The following DCDC1 variants were observed in gnomAD, a reference collection of about 807,000 sequenced individuals.
The protein encoded by DCDC1 is doublecortin domain-containing protein 1.
Under a neutral mutation model 178.3 loss-of-function variants are expected in DCDC1, and 200 were observed. The observed-to-expected ratio is 1.12, with a 90% confidence interval of 1.00 to 1.26. The LOEUF (loss-of-function observed/expected upper bound fraction) is 1.26, where lower values mean the gene tolerates loss of function less well. Ranked by LOEUF, DCDC1 falls within the 50% of genes most tolerant of loss-of-function variation. The pLI, the probability that DCDC1 is intolerant of heterozygous loss-of-function variation, is 0.00. For synonymous variants in DCDC1, 690 were observed against 604.8 expected (o/e 1.14, Z -2.07); for missense variants, 1,983 against 1,749.2 (o/e 1.13, Z -2.38).
intron 30 of DCDC1, chr11:30,906,329 C>CTTTG (rs1590312278): frequency 4.2e-6 from 2 of 479,808 alleles, no homozygotes; most frequent in East Asian, 6.2e-5. Context: ...GCCCAATTAA[C>CTTTG]TTCAAAGAGT....
At chr11:30,894,755 C>A (rs897343672) in intron 34 of DCDC1, among the ~76,000 whole-genome samples, 1 of 152,112 alleles carries the variant, frequency 6.6e-6, no homozygotes, top group African/African-American at 2.4e-5. Context: ...ATGTTTTGTT[C>A]TCTTTACTAA....
rs140362723 is a variant in DCDC1, at chr11:30,995,364, C to A, written c.2592-42796G>T. Among the ~76,000 whole-genome samples the A allele has an allele frequency of 7.9e-5, 12 of 152,066 alleles. 1 individual carries two copies. The highest frequency in any genetic ancestry group is 2.9e-4 in the African/African-American group (12 of 41,494). ...TTTGATCTATAGATTCAATGTAATT[C>A]CAATAAAAATCCCAGCAAACTCTTT... On this transcript the variant is annotated intron_variant, in intron 20 of 38. Transcript: ENST00000684477.
intron 32 of DCDC1, among the ~76,000 whole-genome samples, chr11:30,903,179 G>A (rs1316423633): frequency 1.3e-5 from 2 of 152,038 alleles, no homozygotes; most frequent in East Asian, 1.9e-4. Flanking sequence ...TTGGTTCTGA[G>A]TAAGAACAAA....
At position 31,109,811 on chromosome 11, in the gene DCDC1, A is replaced by G. The variant is rs190575692; in HGVS notation, c.1587+449T>C. The stretch of plus-strand genomic sequence containing the variant: ...AACATCCCAATTGTCTGGAAAACAG[A>G]AAAAGGTAAGAGTGCCTAAGATGTA... On this transcript the variant is annotated intron_variant, in intron 12 of 38. Coordinates refer to ENST00000684477, the MANE Select transcript of DCDC1 (RefSeq NM_001387274.1). Among the ~76,000 whole-genome samples the G allele has an allele frequency of 4.0e-3, 604 of 152,286 alleles. 1 individual carries two copies. The highest frequency in any genetic ancestry group is 0.014 in the African/African-American group (576 of 41,560).
intron 9 of DCDC1, among the ~76,000 whole-genome samples, chr11:31,217,067 G>A (rs2136628617): frequency 6.6e-6 from 1 of 152,290 alleles, no homozygotes; most frequent in African/African-American, 2.4e-5. Flanking sequence ...CCTCCCTGCT[G>A]GGGTAAATCA....
chr11:30,985,474 A>C (rs1326611705), intron 20 of DCDC1, among the ~76,000 whole-genome samples: 1 of 152,194 alleles, frequency 6.6e-6, no homozygotes, highest in East Asian at 1.9e-4. Context: ...AAGTTTTTAA[A>C]AATTAAGATA....
chr11:31,059,146 A>C (rs1955773380), intron 20 of DCDC1, among the ~76,000 whole-genome samples: 1 of 152,136 alleles, frequency 6.6e-6, no homozygotes, highest in Non-Finnish European at 1.5e-5. Context: ...TAAAATGCTT[A>C]CTTGAAAATC....
At chr11:30,897,038 T>C (rs1388407214) in intron 34 of DCDC1, among the ~76,000 whole-genome samples, 1 of 152,228 alleles carries the variant, frequency 6.6e-6, no homozygotes, top group Non-Finnish European at 1.5e-5. Flanking sequence ...TGCAGTTAAC[T>C]AAGACTTGTT....
chr11:31,159,718 G>A (rs528122571), intron 9 of DCDC1, among the ~76,000 whole-genome samples: 2 of 152,250 alleles, frequency 1.3e-5, no homozygotes, highest in Admixed American at 6.5e-5. Flanking sequence ...AGGAAATACA[G>A]GCAACTTGAC....
At chr11:30,869,716 G>C (rs1372490957) in intron 38 of DCDC1, among the ~76,000 whole-genome samples, 1 of 152,140 alleles carries the variant, frequency 6.6e-6, no homozygotes, top group Non-Finnish European at 1.5e-5. Flanking sequence ...ATACAATCTT[G>C]GGGAATGGGG....
intron 20 of DCDC1, among the ~76,000 whole-genome samples, chr11:31,023,004 A>G (rs974853559): frequency 4.6e-5 from 7 of 152,042 alleles, no homozygotes; most frequent in African/African-American, 1.7e-4. Flanking sequence ...GAGTCACTCA[A>G]AGTGTGAGAA....
At chr11:31,154,265 G>C (rs1412808604) in intron 9 of DCDC1, among the ~76,000 whole-genome samples, 1 of 152,166 alleles carries the variant, frequency 6.6e-6, no homozygotes, top group African/African-American at 2.4e-5. Flanking sequence ...AAATTACCCA[G>C]TGTCAGGTAG....
At chr11:31,086,646 TC>T (rs1181435304) in intron 17 of DCDC1, among the ~76,000 whole-genome samples, 1 of 152,210 alleles carries the variant, frequency 6.6e-6, no homozygotes, top group Admixed American at 6.5e-5. Flanking sequence ...AAATAGTTTC[TC>T]CTATGTTTTT....
intron 38 of DCDC1, among the ~76,000 whole-genome samples, chr11:30,876,363 C>G (rs1942118863): frequency 6.6e-6 from 1 of 152,114 alleles, no homozygotes. Context: ...GTTCCCCAGT[C>G]CACCTTGCAG....
At chr11:31,167,767 T>C (rs1966850216) in intron 9 of DCDC1, among the ~76,000 whole-genome samples, 1 of 152,228 alleles carries the variant, frequency 6.6e-6, no homozygotes, top group Non-Finnish European at 1.5e-5. Flanking sequence ...TTCTCAGTCC[T>C]GTCTTCTCAT....
Position 31,328,177 on chromosome 11 carries a change from C to T in DCDC1, c.104G>A (p.Gly35Asp). 6.2e-7 allele frequency: 1 copy of T among 1,611,782 alleles called. No homozygotes were observed. Among genetic ancestry groups the T allele is most frequent in the Non-Finnish European group, 8.5e-7 (1 of 1,178,510 alleles). Residue 35 changes from glycine to aspartate, a missense_variant, in exon 3 of 39, where the codon GGC becomes GAC. Gly to Asp is a moderately conservative substitution (Grantham distance 94). Coordinates refer to ENST00000684477, the MANE Select transcript of DCDC1 (RefSeq NM_001387274.1). ...MEVLQQSSPE[G>D]TLDGNTVNPI... Reference sequence around the variant, plus strand: ...GTTTACAGTATTCCCATCCAAAGTGCCTTCAGGGCTACTTTGCTGTAATAC... The same window carrying T: ...GTTTACAGTATTCCCATCCAAAGTGTCTTCAGGGCTACTTTGCTGTAATAC...
chr11:30,898,061 A>T (rs1944372524), intron 34 of DCDC1, among the ~76,000 whole-genome samples: 1 of 152,172 alleles, frequency 6.6e-6, no homozygotes, highest in Non-Finnish European at 1.5e-5. Context: ...CAGAGTTAAG[A>T]AAGCGCATGG....
intron 38 of DCDC1, among the ~76,000 whole-genome samples, chr11:30,875,425 T>C (rs557213145): frequency 1.2e-4 from 19 of 152,274 alleles, no homozygotes; most frequent in African/African-American, 4.6e-4. Context: ...AAATTTCCCA[T>C]AACTGGGGAC....
At chr11:30,866,234 T>A (rs1004088362) in intron 38 of DCDC1, among the ~76,000 whole-genome samples, 1 of 152,150 alleles carries the variant, frequency 6.6e-6, no homozygotes, top group African/African-American at 2.4e-5. Context: ...CAGGTTTCTA[T>A]CATGAAATAA....
Sources: gnomAD v4.1 joint callset for allele counts (sites outside exome capture counted in the v4.1 genomes callset) on GRCh38, gnomAD v4.1.1 for gene constraint, MANE v1.5 for transcripts, NCBI Gene and HGNC (gene_info 2026-07-23, HGNC 2026-07-21) for gene names.